Variants in GALNT13 observed in about 807,000 individuals in gnomAD.
The protein encoded by GALNT13 is UDP-GalNAc:polypeptide N-acetylgalactosaminyltransferase 13.
Under a neutral mutation model 64.2 loss-of-function variants are expected in GALNT13, and 28 were observed. The observed-to-expected ratio is 0.44, with a 90% CI of 0.32 to 0.60. The LOEUF is 0.60. Among genes scored for constraint, GALNT13 ranks in the 20% least tolerant of loss-of-function variants. GALNT13 has a pLI of 0.05. For missense variants in GALNT13, 577 were observed against 669.8 expected (o/e 0.86, Z 1.53); for synonymous variants, 214 against 224.6 (o/e 0.95, Z 0.42).
the GALNT13 span, among the ~76,000 whole-genome samples, chr2:153,456,582 AG>A: frequency 6.6e-6 from 1 of 152,186 alleles, no homozygotes. Flanking sequence ...AAGAACACCT[AG>A]TACCTATTTA....
Position 154,351,457 on chromosome 2 carries a change from G to A in GALNT13, c.1157-44534G>A, listed in dbSNP as rs377315273. On this transcript the variant is annotated intron_variant, in intron 9 of 12. Transcript: ENST00000392825. ...CCAGCACTTTGGGAGGCCGAGACAG[G>A]CGGATCACGAGGTCAGGAGATTGAG... 2.3e-3 allele frequency among the ~76,000 whole-genome samples: 345 copies of A among 152,072 alleles called. 1 individual carries two copies. Among genetic ancestry groups the A allele is most frequent in the Middle Eastern group, 0.014 (4 of 294 alleles).
chr2:153,076,425 G>T, the GALNT13 span, among the ~76,000 whole-genome samples: 3 of 152,028 alleles, frequency 2.0e-5, no homozygotes, highest in Non-Finnish European at 4.4e-5. Context: ...CCTGGCTTAG[G>T]TTGTTCAATG....
chr2:154,213,431 G>A (rs966716983), intron 4 of GALNT13, among the ~76,000 whole-genome samples: 1 of 152,126 alleles, frequency 6.6e-6, no homozygotes, highest in Admixed American at 6.6e-5. Flanking sequence ...GAATTTGAAA[G>A]TAAATGTTGC....
intron 4 of GALNT13, among the ~76,000 whole-genome samples, chr2:154,222,046 C>T (rs1688353165): frequency 6.6e-6 from 1 of 151,992 alleles, no homozygotes; most frequent in African/African-American, 2.4e-5. Context: ...GTGCATTTTT[C>T]TAGCATTTCA....
chr2:153,561,872 A>C, the GALNT13 span, among the ~76,000 whole-genome samples: 1 of 152,230 alleles, frequency 6.6e-6, no homozygotes, highest in East Asian at 1.9e-4. Context: ...TTCTTCCTAG[A>C]TCTATTAATG....
At chr2:153,189,531 G>A in the GALNT13 span, among the ~76,000 whole-genome samples, 1 of 151,956 alleles carries the variant, frequency 6.6e-6, no homozygotes, top group Non-Finnish European at 1.5e-5. Flanking sequence ...TCCGTATTTT[G>A]GCAATTGTGA....
chr2:153,468,467 C>T, the GALNT13 span, among the ~76,000 whole-genome samples: 13 of 152,010 alleles, frequency 8.6e-5, no homozygotes, highest in African/African-American at 1.7e-4. Context: ...CATACAGATA[C>T]GAATTTACTT....
At chr2:153,224,290 A>G in the GALNT13 span, among the ~76,000 whole-genome samples, 1 of 151,982 alleles carries the variant, frequency 6.6e-6, no homozygotes, top group Non-Finnish European at 1.5e-5. Flanking sequence ...ACAGATGGGA[A>G]CAATAGACAC....
the GALNT13 span, among the ~76,000 whole-genome samples, chr2:153,850,410 C>G: frequency 6.6e-6 from 1 of 152,094 alleles, no homozygotes; most frequent in Non-Finnish European, 1.5e-5. Context: ...TAAAAAAGAT[C>G]AAACTATTTC....
chr2:153,107,768 C>T, the GALNT13 span, among the ~76,000 whole-genome samples: 9 of 152,060 alleles, frequency 5.9e-5, no homozygotes, highest in East Asian at 1.9e-4. Context: ...CTTGAGAATG[C>T]GTGTGGGTGG....
the GALNT13 span, among the ~76,000 whole-genome samples, chr2:153,207,263 C>T: frequency 6.6e-6 from 1 of 152,054 alleles, no homozygotes; most frequent in South Asian, 2.1e-4. Context: ...TTCCATGATG[C>T]GTTTTACATA....
At chr2:153,143,923 T>C in the GALNT13 span, among the ~76,000 whole-genome samples, 632 of 152,092 alleles carry the variant, frequency 4.2e-3, 5 homozygotes, top group African/African-American at 0.014. Flanking sequence ...ATGACAGGCA[T>C]AGATGTTTGC....
chr2:153,122,957 C>T, the GALNT13 span, among the ~76,000 whole-genome samples: 144 of 151,692 alleles, frequency 9.5e-4, no homozygotes, highest in Non-Finnish European at 1.9e-3. Flanking sequence ...GACTGGTGTT[C>T]TTCTAAGATG....
the GALNT13 span, among the ~76,000 whole-genome samples, chr2:153,807,597 C>A: frequency 5.4e-3 from 827 of 152,054 alleles, 8 homozygotes; most frequent in African/African-American, 0.019. Context: ...CTGTGTATGC[C>A]AGACCTTTTC....
At chr2:154,434,333 C>A (rs1700837382) in intron 11 of GALNT13, among the ~76,000 whole-genome samples, 1 of 152,176 alleles carries the variant, frequency 6.6e-6, no homozygotes, top group Admixed American at 6.5e-5. Context: ...GATCTCCGCT[C>A]ACTGCAAATT....
intron 2 of GALNT13, among the ~76,000 whole-genome samples, chr2:153,932,467 G>C (rs991411567): frequency 5.3e-5 from 8 of 151,832 alleles, no homozygotes; most frequent in African/African-American, 1.9e-4. Flanking sequence ...AGAGATTCTG[G>C]CATGTTACTT....
chr2:154,029,043 C>A (rs1697650781), intron 3 of GALNT13, among the ~76,000 whole-genome samples: 1 of 151,816 alleles, frequency 6.6e-6, no homozygotes, highest in African/African-American at 2.4e-5. Context: ...ATTGGTAAAG[C>A]CAGTTGTGCA....
chr2:153,511,751 A>G, the GALNT13 span, among the ~76,000 whole-genome samples: 5 of 152,218 alleles, frequency 3.3e-5, no homozygotes, highest in Admixed American at 6.5e-5. Flanking sequence ...ACAAGACTGA[A>G]GCGGGAGTTT....
the GALNT13 span, among the ~76,000 whole-genome samples, chr2:153,726,701 G>GGAGGC: frequency 1.3e-5 from 2 of 151,966 alleles, no homozygotes; most frequent in Non-Finnish European, 2.9e-5. Flanking sequence ...CAGCACTTTG[G>GGAGGC]GAGGCCGAGG....
Sources: gnomAD v4.1 joint callset for allele counts (sites outside exome capture counted in the v4.1 genomes callset) on GRCh38, gnomAD v4.1.1 for gene constraint, MANE v1.5 for transcripts, NCBI Gene and HGNC (gene_info 2026-07-23, HGNC 2026-07-21) for gene names.